DOCK4: variants seen among roughly 807,000 people sequenced by gnomAD.
The protein encoded by DOCK4 is dedicator of cytokinesis 4.
DOCK4 carries 97 observed loss-of-function variants against 268.1 expected under a neutral mutation model. The observed-to-expected ratio is 0.36, with a 90% CI of 0.31 to 0.43. The LOEUF is 0.43. Among genes scored for constraint, DOCK4 ranks in the 20% least tolerant of loss-of-function variants. The pLI, the probability that DOCK4 is intolerant of heterozygous loss-of-function variation, is 1.00. For synonymous variants in DOCK4, 954 were observed against 887.2 expected (o/e 1.08, Z -1.34); for missense variants, 2,145 against 2,455.7 (o/e 0.87, Z 2.67).
intron 6 of DOCK4, among the ~76,000 whole-genome samples, chr7:111,984,687 C>T (rs561156335): frequency 1.8e-4 from 27 of 152,282 alleles, no homozygotes; most frequent in East Asian, 5.8e-4. Flanking sequence ...GAGCCTTCAG[C>T]GCCCTTCAAA....
chr7:111,833,658 A>G lies in DOCK4; in HGVS notation c.2835+930T>C, dbSNP rs1185057443. On this transcript the variant is annotated intron_variant, in intron 26 of 52. Coordinates refer to ENST00000428084, the MANE Select transcript of DOCK4 (RefSeq NM_001363540.2). The stretch of plus-strand genomic sequence containing the variant: ...AATGATTCTTTGTTTTATATGACTC[A>G]GCTTTTCAAGTTCTCTAAGGTAACA... Among the ~76,000 whole-genome samples, 2 of 152,330 alleles carry G rather than the reference A, an allele frequency of 1.3e-5. 1 individual carries two copies. Among genetic ancestry groups the G allele is most frequent in the South Asian group, 4.1e-4 (2 of 4,826 alleles).
chr7:111,934,532 T>TTTTTG (rs1554381584), intron 12 of DOCK4, among the ~76,000 whole-genome samples: 53 of 141,486 alleles, frequency 3.7e-4, no homozygotes, highest in African/African-American at 1.4e-3. Flanking sequence ...TGTTTTTTTT[T>TTTTTG]TTTTTTTTTT....
At chr7:112,138,937 G>GCCTAAC (rs1457049396) in intron 1 of DOCK4, among the ~76,000 whole-genome samples, 1 of 152,130 alleles carries the variant, frequency 6.6e-6, no homozygotes, top group African/African-American at 2.4e-5. Flanking sequence ...CTGCAGGTTG[G>GCCTAAC]CCTAACCCTA....
chr7:111,734,122 G>T (rs1479494917), intron 51 of DOCK4, among the ~76,000 whole-genome samples: 3 of 151,854 alleles, frequency 2.0e-5, no homozygotes, highest in South Asian at 4.2e-4. Flanking sequence ...ATTTTTTTTT[G>T]TAGAGATGGG....
intron 1 of DOCK4, among the ~76,000 whole-genome samples, chr7:112,198,485 G>C (rs891665816): frequency 2.0e-5 from 3 of 152,122 alleles, no homozygotes; most frequent in Non-Finnish European, 4.4e-5. Context: ...GACCAAACCT[G>C]TTGCTTTCAT....
chr7:111,734,564 T>A (rs1438723670), intron 51 of DOCK4, among the ~76,000 whole-genome samples: 1 of 152,190 alleles, frequency 6.6e-6, no homozygotes, highest in Non-Finnish European at 1.5e-5. Context: ...AGTCCTTGCA[T>A]AAAGACCTCT....
At chr7:111,883,933 C>T (rs1348805612) in intron 16 of DOCK4, among the ~76,000 whole-genome samples, 1 of 152,120 alleles carries the variant, frequency 6.6e-6, no homozygotes, top group African/African-American at 2.4e-5. Context: ...AGCAAGAACA[C>T]TGGGGTGTGT....
intron 1 of DOCK4, among the ~76,000 whole-genome samples, chr7:112,057,865 A>T (rs1431109441): frequency 6.6e-6 from 1 of 151,906 alleles, no homozygotes; most frequent in Non-Finnish European, 1.5e-5. Flanking sequence ...AAAAGGTTTT[A>T]TAAAACTAAA....
At chr7:111,935,413 ATTTT>A (rs1169024413) in intron 12 of DOCK4, 123 bp downstream of exon 12, 4 of 790,682 alleles carry the variant, frequency 5.1e-6, no homozygotes, top group Non-Finnish European at 8.9e-6. Context: ...TTCATTGAGC[ATTTT>A]TAAAGTTAGG....
chr7:112,105,685 CTTTTT>C (rs752689972), intron 1 of DOCK4, among the ~76,000 whole-genome samples: 2 of 135,776 alleles, frequency 1.5e-5, no homozygotes, highest in Non-Finnish European at 3.2e-5. Context: ...CCTCCTCTTC[CTTTTT>C]TTTTTTTTTT....
At chr7:111,822,031 T>C (rs114626389) in intron 27 of DOCK4, among the ~76,000 whole-genome samples, 68 of 152,306 alleles carry the variant, frequency 4.5e-4, no homozygotes, top group African/African-American at 1.6e-3. Flanking sequence ...TACAGAACAG[T>C]GTGTATATTA....
chr7:111,743,408 T>C (rs1796062346), intron 44 of DOCK4, among the ~76,000 whole-genome samples: 1 of 152,210 alleles, frequency 6.6e-6, no homozygotes, highest in African/African-American at 2.4e-5. Context: ...GACGGGGCTC[T>C]GGATGCTGCC....
At chr7:111,879,872 ACAGT>A (rs1409141820) in intron 16 of DOCK4, among the ~76,000 whole-genome samples, 4 of 152,128 alleles carry the variant, frequency 2.6e-5, no homozygotes, top group Admixed American at 6.6e-5. Flanking sequence ...TTGAAAATAC[ACAGT>A]CAGAGGAGAC....
rs1289381574 is a variant in DOCK4 at position 111,767,075 on chromosome 7, T to C, written c.3872A>G (p.Gln1291Arg). 2 of 1,613,762 alleles carry C rather than the reference T, an allele frequency of 1.2e-6. No homozygotes were observed. Among genetic ancestry groups the C allele is most frequent in the Non-Finnish European group, 1.7e-6 (2 of 1,179,844 alleles). ...TCTGTAGTCATAATAACTCTCATAC[T>C]GCTCTGCAATCTTCCGGCACAAGAT... Reference protein sequence around the residue: ...GIILCRKIAEQYESYYDYRNL... With the variant: ...GIILCRKIAERYESYYDYRNL... The change falls in exon 38 of 53, where the codon CAG (glutamine) becomes CGG (arginine). Residue 1291 changes from glutamine (Q) to arginine (R), a missense_variant. By Grantham distance (43) the Gln-to-Arg change is conservative (BLOSUM62 1). Coordinates refer to ENST00000428084, the MANE Select transcript of DOCK4 (RefSeq NM_001363540.2).
rs59150514 is a variant in DOCK4, at chr7:111,745,105, C to T, written c.4677+1229G>A. ...TCAGAGGTTTTCAAACCATTTCAGG[C>T]TATCAATAGGGACACAGTAGGCAAC... is the stretch of plus-strand genomic sequence containing the variant. On this transcript the variant is annotated intron_variant, in intron 44 of 52. Coordinates refer to ENST00000428084, the MANE Select transcript of DOCK4 (RefSeq NM_001363540.2). Among the ~76,000 whole-genome samples the T allele has an allele frequency of 4.4e-3, 677 of 152,304 alleles. 4 individuals are homozygous for T. The highest frequency in any genetic ancestry group is 0.015 in the African/African-American group (625 of 41,554).
rs577594665 is a variant in DOCK4 at position 111,851,736 on chromosome 7, C to T, written c.2474-4610G>A. 4.6e-5 allele frequency among the ~76,000 whole-genome samples: 7 copies of T among 151,542 alleles called. No individual in the cohort carries two copies. In the South Asian group the frequency reaches 1.5e-3, roughly 31 times the overall value. On this transcript the variant is annotated intron_variant, in intron 23 of 52. Coordinates refer to ENST00000428084, the MANE Select transcript of DOCK4 (RefSeq NM_001363540.2). ...CAGTCTTTTCATCTGTAAAACGAGGCTAGCAATGGTAACTCCTCCTGGGAT... is the reference window on the plus strand; with the variant it reads ...CAGTCTTTTCATCTGTAAAACGAGGTTAGCAATGGTAACTCCTCCTGGGAT...
At chr7:111,940,500 A>T (rs555656511) in intron 10 of DOCK4, among the ~76,000 whole-genome samples, 2 of 152,328 alleles carry the variant, frequency 1.3e-5, no homozygotes, top group Non-Finnish European at 2.9e-5. Flanking sequence ...AACAGATCCC[A>T]TGTTTGGGAA....
chr7:111,877,136 G>A lies in DOCK4; in HGVS notation c.1638C>T (p.Pro546=). 2 of 1,586,432 alleles carry A rather than the reference G, an allele frequency of 1.3e-6. No individual in the cohort carries two copies. Among genetic ancestry groups the A allele is most frequent in the Non-Finnish European group, 1.7e-6 (2 of 1,166,926 alleles). ...LQDTTRYLKL[P]FSKGIFLGNN... ...TCCCAAGGAAAATGCCCTTGGAAAA[G>A]GGAAGTTTGAGGTAGCGGGTAGTAT... The change falls in exon 17 of 53, where the codon CCC becomes CCT. Residue 546 remains proline, a synonymous_variant. Coordinates refer to ENST00000428084, the MANE Select transcript of DOCK4 (RefSeq NM_001363540.2).
intron 12 of DOCK4, 115 bp from the exon 13 acceptor site, chr7:111,916,019 A>T (rs1792555458): frequency 8.9e-7 from 1 of 1,122,708 alleles, no homozygotes. Flanking sequence ...CTAAGGGTTA[A>T]TATTCCGACG....
Sources: gnomAD v4.1 joint callset for allele counts (sites outside exome capture counted in the v4.1 genomes callset) on GRCh38, gnomAD v4.1.1 for gene constraint, MANE v1.5 for transcripts, NCBI Gene and HGNC (gene_info 2026-07-23, HGNC 2026-07-21) for gene names.